Variants in TIMM9 observed in about 807,000 individuals in gnomAD.
TIMM9 encodes the protein mitochondrial import inner membrane translocase subunit Tim9.
A neutral mutation model predicts 13.4 loss-of-function variants in TIMM9; 10 were observed. The ratio of observed to expected loss-of-function variants is 0.75; its 90% CI spans 0.46 to 1.26. TIMM9 has a LOEUF of 1.26. Ranked by LOEUF, TIMM9 falls within the 50% of genes most tolerant of loss-of-function variation. The pLI is 0.00. For synonymous variants in TIMM9, 32 were observed against 32.1 expected, an observed-to-expected ratio of 1.00 and a Z score of 0.01; for missense variants, 87 against 100.8, an observed-to-expected ratio of 0.86 and a Z score of 0.58.
chr14:58,416,104 T>C (rs1289212564), intron 3 of TIMM9, among the ~76,000 whole-genome samples: 1 of 150,986 alleles, frequency 6.6e-6, no homozygotes, highest in Non-Finnish European at 1.5e-5. Flanking sequence ...GGCACACACC[T>C]GTAATCCCAG....
At chr14:58,426,100 G>A (rs990938540) in intron 2 of TIMM9, among the ~76,000 whole-genome samples, 3 of 151,894 alleles carry the variant, frequency 2.0e-5, no homozygotes, top group African/African-American at 7.3e-5. Flanking sequence ...CTGTGCCACA[G>A]AGTGAGACTT....
At chr14:58,423,694 A>G (rs1307705259) in intron 3 of TIMM9, 1 of 152,192 alleles carries the variant, frequency 6.6e-6, no homozygotes, top group Non-Finnish European at 1.5e-5. Flanking sequence ...TTAGACTAAC[A>G]AATTCCACCA....
At chr14:58,425,376 G>A (rs1422768121) in intron 2 of TIMM9, among the ~76,000 whole-genome samples, 2 of 151,938 alleles carry the variant, frequency 1.3e-5, no homozygotes, top group Non-Finnish European at 2.9e-5. Flanking sequence ...ATAAGCCTGG[G>A]CAATAAGGCG....
At chr14:58,415,117 C>T (rs984716379) in intron 3 of TIMM9, among the ~76,000 whole-genome samples, 3 of 152,166 alleles carry the variant, frequency 2.0e-5, no homozygotes, top group African/African-American at 7.2e-5. Context: ...CTCCACCTAG[C>T]AGTAACAAGA....
At chr14:58,409,932 A>G (rs1412883471) in intron 5 of TIMM9, among the ~76,000 whole-genome samples, 1 of 152,042 alleles carries the variant, frequency 6.6e-6, no homozygotes, top group East Asian at 1.9e-4. Flanking sequence ...GGTGGAGTGC[A>G]GTGCCTCACT....
At position 58,412,118 on chromosome 14, in the gene TIMM9, C is replaced by A. The variant is rs1053537641; in HGVS notation, c.-26-147G>T. 1.2e-5 allele frequency: 7 copies of A among 589,048 alleles called. No individual in the cohort carries two copies. The South Asian group carries it at 1.5e-4, about 13-fold the overall frequency. 36.5% of individuals were successfully genotyped at this position (589,048 alleles called of 1,614,324 possible). ...CCCCAATTTCTCAGATCATTAATGACCATAGAACCTTACAGTTGAGAATTA... is the reference window on the plus strand; with the variant it reads ...CCCCAATTTCTCAGATCATTAATGAACATAGAACCTTACAGTTGAGAATTA... On this transcript the variant is annotated intron_variant, in intron 3 of 5. Transcript: ENST00000395159.
intron 2 of TIMM9, among the ~76,000 whole-genome samples, chr14:58,425,353 G>C (rs1334694111): frequency 6.6e-6 from 1 of 152,062 alleles, no homozygotes; most frequent in African/African-American, 2.4e-5. Context: ...AGAGGTTGCA[G>C]TGAGCTGAGA....
chr14:58,423,601 A>C (rs1429121188), intron 3 of TIMM9, among the ~76,000 whole-genome samples: 5 of 151,944 alleles, frequency 3.3e-5, no homozygotes, highest in African/African-American at 1.2e-4. Context: ...TGACTGAGTA[A>C]ATCAATGATT....
intron 3 of TIMM9, among the ~76,000 whole-genome samples, chr14:58,417,399 G>C (rs2036446977): frequency 6.6e-6 from 1 of 150,798 alleles, no homozygotes; most frequent in South Asian, 2.1e-4. Flanking sequence ...CAGCTACTTG[G>C]AGGTTGAGGC....
intron 3 of TIMM9, among the ~76,000 whole-genome samples, chr14:58,416,990 G>A (rs2036430565): frequency 6.6e-6 from 1 of 152,102 alleles, no homozygotes; most frequent in African/African-American, 2.4e-5. Flanking sequence ...GGGACCTGGT[G>A]GGAGGTAATT....
chr14:58,418,552 A>AATCG lies in TIMM9; in HGVS notation c.-27+5452_-27+5455dup, dbSNP rs2036487500. ...ATGTAATATAATTATGAACATGCAA[A>AATCG]ATCGAAAGAATCTACAAATAAACTC... On this transcript the variant is annotated intron_variant, in intron 3 of 5. Coordinates refer to ENST00000395159, the MANE Select transcript of TIMM9 (RefSeq NM_012460.4). Among the ~76,000 whole-genome samples, 4 of 152,328 alleles carry AATCG rather than the reference A, an allele frequency of 2.6e-5. No homozygotes were observed. In the South Asian group the frequency reaches 6.2e-4, roughly 24 times the overall value.
chr14:58,417,191 C>G (rs886141865), intron 3 of TIMM9, among the ~76,000 whole-genome samples: 1 of 152,086 alleles, frequency 6.6e-6, no homozygotes, highest in Non-Finnish European at 1.5e-5. Context: ...CCATGTGGAA[C>G]TGTAAGTCCA....
intron 3 of TIMM9, among the ~76,000 whole-genome samples, chr14:58,423,124 T>C (rs956102156): frequency 2.6e-5 from 4 of 152,026 alleles, no homozygotes; most frequent in African/African-American, 9.7e-5. Flanking sequence ...ATTTTTTTTT[T>C]CCAGACCTAA....
intron 4 of TIMM9, 81 bp from the exon 5 acceptor site, chr14:58,411,019 AT>A: frequency 1.1e-6 from 1 of 940,520 alleles, no homozygotes; most frequent in Non-Finnish European, 1.7e-6. Flanking sequence ...GGTATTTTAT[AT>A]TTAGACAAAA....
chr14:58,413,873 G>C (rs745891451), intron 3 of TIMM9, among the ~76,000 whole-genome samples: 1 of 151,784 alleles, frequency 6.6e-6, no homozygotes. Context: ...TGGGCGTGGT[G>C]GTGGGCGCCT....
chr14:58,408,624 GT>G lies in TIMM9; in HGVS notation c.*409del. 1 of 1,562,398 alleles carries G rather than the reference GT, an allele frequency of 6.4e-7. No homozygotes were observed. ...TCCACAGTCCAGTGAGAATACTATG[GT>G]ACCATACAGTATAAACAACTGCTCA... On this transcript the variant is annotated 3_prime_UTR_variant, in exon 6 of 6. Coordinates refer to ENST00000395159, the MANE Select transcript of TIMM9 (RefSeq NM_012460.4).
At chr14:58,419,526 CACAA>C (rs2036528166) in intron 3 of TIMM9, among the ~76,000 whole-genome samples, 1 of 150,068 alleles carries the variant, frequency 6.7e-6, no homozygotes, top group African/African-American at 2.5e-5. Flanking sequence ...CACACACACA[CACAA>C]AAATACACTC....
At chr14:58,419,412 G>A (rs1319778762) in intron 3 of TIMM9, among the ~76,000 whole-genome samples, 1 of 149,962 alleles carries the variant, frequency 6.7e-6, no homozygotes, top group Non-Finnish European at 1.5e-5. Flanking sequence ...CCATGGTTGC[G>A]CCACTACGCT....
intron 3 of TIMM9, among the ~76,000 whole-genome samples, chr14:58,422,481 A>G (rs2036617253): frequency 6.6e-6 from 1 of 152,200 alleles, no homozygotes; most frequent in African/African-American, 2.4e-5. Context: ...CTCTACACAC[A>G]TCTTGTCCTT....
Sources: gnomAD v4.1 joint callset for allele counts (sites outside exome capture counted in the v4.1 genomes callset) on GRCh38, gnomAD v4.1.1 for gene constraint, MANE v1.5 for transcripts, NCBI Gene and HGNC (gene_info 2026-07-23, HGNC 2026-07-21) for gene names.